The following YPEL3 variants were observed in gnomAD, a reference collection of about 807,000 sequenced individuals.
The protein encoded by YPEL3 is protein yippee-like 3.
Under a neutral mutation model 17.5 loss-of-function variants are expected in YPEL3, and 5 were observed. The ratio of observed to expected loss-of-function variants is 0.29; its 90% CI spans 0.15 to 0.60. YPEL3 has a LOEUF of 0.60. Among genes scored for constraint, YPEL3 ranks in the 20% least tolerant of loss-of-function variants. The probability of loss-of-function intolerance (pLI) is 0.87; values close to 1 mark genes in which losing one functional copy is unlikely to be tolerated. For missense variants in YPEL3, 155 were observed against 211.4 expected (o/e 0.73, Z 1.65); for synonymous variants, 87 against 87.2 (o/e 1.00, Z 0.01).
rs529890882 is a variant in YPEL3, at chr16:30,095,601, G to C, written c.-119C>G. 2.6e-3 allele frequency: 2,377 copies of C among 907,756 alleles called. 8 individuals carry two copies. Among genetic ancestry groups the C allele is most frequent in the Non-Finnish European group, 3.0e-3 (1,903 of 624,410 alleles). 56.2% of individuals were successfully genotyped at this position (907,756 alleles called of 1,614,324 possible). On this transcript the variant is annotated 5_prime_UTR_variant, in exon 1 of 4. Transcript: ENST00000398841. This position sits in a 1 kb window ranked among gnomAD's most constrained non-coding sequence, Gnocchi z 5.4. ...CGTCTCGGTTTTGACTCAGTGAGGA[G>C]GCCTCAGGTTGCATCCATGGGGAAA...
In YPEL3 at chr16:30,095,164, G is replaced by A. The variant is rs1358825315; in HGVS notation, c.232-18C>T. On this transcript the variant is annotated intron_variant, in intron 1 of 3. Coordinates refer to ENST00000398841, the MANE Select transcript of YPEL3 (RefSeq NM_031477.5). The surrounding 1 kb of genome is among the most constrained non-coding windows in gnomAD (Gnocchi z 5.4). ...TGGAAGGACTAAAGGGTGAGAGGGTGGGAAGAGAGGAGGGGGTCAGGGCTG... is the reference window on the plus strand; with the variant it reads ...TGGAAGGACTAAAGGGTGAGAGGGTAGGAAGAGAGGAGGGGGTCAGGGCTG... 1 of 1,614,126 alleles carries A rather than the reference G, an allele frequency of 6.2e-7. No homozygotes were observed. Among genetic ancestry groups the A allele is most frequent in the South Asian group, 1.1e-5 (1 of 91,086 alleles).
In YPEL3 at chr16:30,092,725, G is replaced by A. The variant is rs754402221; in HGVS notation, c.459C>T (p.Asp153=). 1.5e-5 allele frequency: 24 copies of A among 1,614,064 alleles called. No homozygotes were observed. The highest frequency in any genetic ancestry group is 1.7e-5 in the Non-Finnish European group (20 of 1,180,028). The change falls in exon 4 of 4, where the codon GAC becomes GAT. Residue 153 remains aspartate, a synonymous_variant. Transcript: ENST00000398841. ...YIIELNHMIK[D]NGWD ...GGAGCGGGGGTCAGTCCCAGCCGTT[G>A]TCTTTGATCATGTGGTTGAGTTCAA...
rs1292231974 is a variant in YPEL3, at chr16:30,095,533, C to T, written c.-51G>A. On this transcript the variant is annotated 5_prime_UTR_variant, in exon 1 of 4. Coordinates refer to ENST00000398841, the MANE Select transcript of YPEL3 (RefSeq NM_031477.5). This position sits in a 1 kb window ranked among gnomAD's most constrained non-coding sequence, Gnocchi z 5.4. ...ACTCGCTCTGTCACACTGGGCTGCT[C>T]TCTCCTTTCCCCAGAGCCAGCAGCC... is the stretch of plus-strand genomic sequence containing the variant. 2.8e-6 allele frequency: 4 copies of T among 1,403,528 alleles called. No individual in the cohort carries two copies. The Admixed American group carries it at 8.5e-5, about 30-fold the overall frequency. The allele number at this position is 1,403,528 out of a possible 1,614,324, so 86.9% of individuals were successfully genotyped here.
chr16:30,094,822 G>A lies in YPEL3; in HGVS notation c.351C>T (p.Cys117=), dbSNP rs759802213. ...AGCCCAAAGTGGTCTTGCAGTTCTC[G>A]CAGTGGATGTCGGCGACAGCATGGA... ...TGLHAVADIH[C]ENCKTTLGWK... is the part of the protein sequence containing the mutation. Residue 117 remains cysteine, a synonymous_variant, in exon 3 of 4, where the codon TGC becomes TGT. Transcript: ENST00000398841. 7 of 1,614,176 alleles carry A rather than the reference G, an allele frequency of 4.3e-6. No homozygotes were observed. Among genetic ancestry groups the A allele is most frequent in the South Asian group, 2.2e-5 (2 of 91,084 alleles).
chr16:30,092,991 T>C (rs563441049), intron 3 of YPEL3, among the ~76,000 whole-genome samples, 192 bp from the exon 4 acceptor site: 3 of 152,358 alleles, frequency 2.0e-5, no homozygotes, highest in African/African-American at 7.2e-5. Context: ...TAAGTACTAA[T>C]GATGGCTCCA....
chr16:30,092,854 C>A (rs1722100494), intron 3 of YPEL3, 55 bp from the exon 4 acceptor site: 1 of 1,533,218 alleles, frequency 6.5e-7, no homozygotes, highest in African/African-American at 1.4e-5. Flanking sequence ...CCACAAGGCA[C>A]TGGGGTTGGG....
At chr16:30,094,972 C>G in intron 2 of YPEL3, 75 bp from the exon 3 acceptor site, 1 of 1,597,928 alleles carries the variant, frequency 6.3e-7, no homozygotes, top group African/African-American at 1.3e-5. Flanking sequence ...TGTGTCTGTC[C>G]TCAGCATCCA....
chr16:30,095,067 G>A lies in YPEL3; in HGVS notation c.275+36C>T, dbSNP rs761226158. 108 of 1,613,560 alleles carry A rather than the reference G, an allele frequency of 6.7e-5. 2 individuals carry two copies. The South Asian group carries it at 1.2e-3, about 18-fold the overall frequency. On this transcript the variant is annotated intron_variant, in intron 2 of 3. Transcript: ENST00000398841. The surrounding 1 kb of genome is among the most constrained non-coding windows in gnomAD (Gnocchi z 5.4). ...GCCAGGGGTCACAGGTCACAACAGA[G>A]GTCAGGGAAAGCAAGAAGGGAGGCC... is the stretch of plus-strand genomic sequence containing the variant.
intron 3 of YPEL3, among the ~76,000 whole-genome samples, chr16:30,093,513 A>C (rs1018145855): frequency 6.6e-5 from 10 of 151,980 alleles, no homozygotes; most frequent in Non-Finnish European, 1.3e-4. Context: ...CACCTGCCTC[A>C]GACTCCCAAA....
Position 30,095,270 on chromosome 16 carries a change from G to A in YPEL3, c.213C>T (p.His71=). 5 of 1,614,168 alleles carry A rather than the reference G, an allele frequency of 3.1e-6. No individual in the cohort carries two copies. Among genetic ancestry groups the A allele is most frequent in the Non-Finnish European group, 4.2e-6 (5 of 1,179,996 alleles). The change falls in exon 1 of 4, where the codon CAC becomes CAT. Residue 71 remains histidine (H), a synonymous_variant. Transcript: ENST00000398841. This position sits in a 1 kb window ranked among gnomAD's most constrained non-coding sequence, Gnocchi z 5.4. ...CAHCRAHLAN[H]DDLISKSFQG... The stretch of plus-strand genomic sequence containing the variant: ...TGGTTACCTTGGAGATGAGGTCGTC[G>A]TGGTTGGCCAGGTGAGCGCGGCAGT...
Position 30,095,200 on chromosome 16 carries a change from G to A in YPEL3, c.231+52C>T. ...AGGGGGTCAGGGCTGCCGGTGGGGA[G>A]CTGCCAGGCAGCCCCTATAGGTTCC... On this transcript the variant is annotated intron_variant, in intron 1 of 3. Transcript: ENST00000398841. The surrounding 1 kb of genome is among the most constrained non-coding windows in gnomAD (Gnocchi z 5.4). 3 of 1,613,876 alleles carry A rather than the reference G, an allele frequency of 1.9e-6. No homozygotes were observed. The highest frequency in any genetic ancestry group is 2.2e-5 in the East Asian group (1 of 44,880).
Position 30,095,661 on chromosome 16 carries a change from C to T in YPEL3, c.-179G>A, listed in dbSNP as rs117527829. ...GGAGGTGCCCAGGGTGAGTCACCCG[C>T]CTGCTTCCGGCCTCACCCTTGCTGA... is the stretch of plus-strand genomic sequence containing the variant. On this transcript the variant is annotated 5_prime_UTR_variant, in exon 1 of 4. Coordinates refer to ENST00000398841, the MANE Select transcript of YPEL3 (RefSeq NM_031477.5). This position sits in a 1 kb window ranked among gnomAD's most constrained non-coding sequence, Gnocchi z 5.4. The T allele has an allele frequency of 0.012, 6,667 of 559,928 alleles. 79 individuals carry two copies. The highest frequency in any genetic ancestry group is 0.031 in the Middle Eastern group (65 of 2,124). 34.7% of individuals were successfully genotyped at this position (559,928 alleles called of 1,614,324 possible). A position where few individuals can be genotyped will look rare whatever the true frequency, so the allele number is the denominator to read the frequency against.
At position 30,095,079 on chromosome 16, in the gene YPEL3, C is replaced by G; in HGVS notation, c.275+24G>C. On this transcript the variant is annotated intron_variant, in intron 2 of 3. Coordinates refer to ENST00000398841, the MANE Select transcript of YPEL3 (RefSeq NM_031477.5). The surrounding 1 kb of genome is among the most constrained non-coding windows in gnomAD (Gnocchi z 5.4). ...AGGTCACAACAGAGGTCAGGGAAAG[C>G]AAGAAGGGAGGCCAGATACTCACAC... The G allele has an allele frequency of 6.2e-7, 1 of 1,613,886 alleles. No homozygotes were observed. The highest frequency in any genetic ancestry group is 8.5e-7 in the Non-Finnish European group (1 of 1,179,972).
chr16:30,094,648 TAAAG>T (rs1385413490), intron 3 of YPEL3, 137 bp downstream of exon 3: 2 of 793,942 alleles, frequency 2.5e-6, no homozygotes, highest in African/African-American at 1.7e-5. Flanking sequence ...AGGTGCAAGA[TAAAG>T]AGAATGTGGT....
chr16:30,092,332 T>G lies in YPEL3; in HGVS notation c.*378A>C. The G allele has an allele frequency of 4.9e-6, 1 of 205,926 alleles. No individual in the cohort carries two copies. The highest frequency in any genetic ancestry group is 1.0e-5 in the Non-Finnish European group (1 of 99,378). The allele number at this position is 205,926 out of a possible 1,614,324, so 12.8% of individuals were successfully genotyped here. On this transcript the variant is annotated 3_prime_UTR_variant, in exon 4 of 4. Transcript: ENST00000398841. ...CCTGAGCTGTCTCCACTCCATTGTTTTATTATGTACAAACGCTACAGAACG... is the reference window on the plus strand; with the variant it reads ...CCTGAGCTGTCTCCACTCCATTGTTGTATTATGTACAAACGCTACAGAACG...
At position 30,094,900 on chromosome 16, in the gene YPEL3, G is replaced by C. The variant is rs138501603; in HGVS notation, c.276-3C>G. 1.2e-5 allele frequency: 19 copies of C among 1,611,342 alleles called. No homozygotes were observed. Among genetic ancestry groups the C allele is most frequent in the Non-Finnish European group, 1.5e-5 (18 of 1,178,624 alleles). The stretch of plus-strand genomic sequence containing the variant: ...CTGGCCCGCAGCCCACGTTCACCCT[G>C]TGGGGACATGGGGTAGTCCCAGGGA... On this transcript the variant is annotated splice_polypyrimidine_tract_variant and splice_region_variant and intron_variant, in intron 2 of 3. Coordinates refer to ENST00000398841, the MANE Select transcript of YPEL3 (RefSeq NM_031477.5).
Position 30,095,242 on chromosome 16 carries a change from G to A in YPEL3, c.231+10C>T, listed in dbSNP as rs1029580198. 3.1e-6 allele frequency: 5 copies of A among 1,614,064 alleles called. No individual in the cohort carries two copies. Among genetic ancestry groups the A allele is most frequent in the African/African-American group, 1.3e-5 (1 of 74,922 alleles). On this transcript the variant is annotated intron_variant, in intron 1 of 3. Coordinates refer to ENST00000398841, the MANE Select transcript of YPEL3 (RefSeq NM_031477.5). This position sits in a 1 kb window ranked among gnomAD's most constrained non-coding sequence, Gnocchi z 5.4. ...ATAGGTTCCAGCCCCACTGTGGCCT[G>A]GTTGGTTACCTTGGAGATGAGGTCG...
At position 30,092,579 on chromosome 16, in the gene YPEL3, T is replaced by C. The variant is rs762560791; in HGVS notation, c.*131A>G. ...AGGTCACAGTGCATGCAATAAAATA[T>C]ATATACAGGAGCTAGATCCGTCCTC... On this transcript the variant is annotated 3_prime_UTR_variant, in exon 4 of 4. Coordinates refer to ENST00000398841, the MANE Select transcript of YPEL3 (RefSeq NM_031477.5). 24 of 743,956 alleles carry C rather than the reference T, an allele frequency of 3.2e-5. No individual in the cohort carries two copies. Among genetic ancestry groups the C allele is most frequent in the Non-Finnish European group, 5.1e-5 (23 of 449,192 alleles). 46.1% of individuals were successfully genotyped at this position (743,956 alleles called of 1,614,324 possible).
intron 3 of YPEL3, 92 bp from the exon 4 acceptor site, chr16:30,092,891 C>T (rs1013733005): frequency 9.1e-7 from 1 of 1,092,920 alleles, no homozygotes; most frequent in East Asian, 2.4e-5. Flanking sequence ...CCCCATTTTA[C>T]ATATGAGGAA....
Sources: allele counts gnomAD v4.1 joint callset (sites outside exome capture counted in the v4.1 genomes callset), GRCh38; gene constraint gnomAD v4.1.1; non-coding constraint Gnocchi (gnomAD v3.1); transcripts MANE v1.5; gene names NCBI Gene and HGNC (gene_info 2026-07-23, HGNC 2026-07-21).